Variants in KCNIP4 observed in about 807,000 individuals in gnomAD.
KCNIP4 encodes potassium voltage-gated channel interacting protein 4.
KCNIP4 carries 12 observed loss-of-function variants against 34.0 expected under a neutral mutation model. The observed-to-expected ratio is 0.35, with a 90% CI of 0.23 to 0.57. The LOEUF (loss-of-function observed/expected upper bound fraction) is 0.57, where lower values mean the gene tolerates loss of function less well. KCNIP4 is among the 20% of genes least tolerant of loss of function. The pLI, the probability that KCNIP4 is intolerant of heterozygous loss-of-function variation, is 0.83. For missense variants in KCNIP4, 238 were observed against 311.7 expected, an observed-to-expected ratio of 0.76 and a Z score of 1.78; for synonymous variants, 124 against 102.2, an observed-to-expected ratio of 1.21 and a Z score of -1.29.
At chr4:20,952,569 TAA>T (rs1368930146) in intron 1 of KCNIP4, among the ~76,000 whole-genome samples, 2 of 152,208 alleles carry the variant, frequency 1.3e-5, no homozygotes, top group African/African-American at 2.4e-5. Flanking sequence ...TGAGAAATAT[TAA>T]GAGACTGATT....
intron 1 of KCNIP4, among the ~76,000 whole-genome samples, chr4:21,486,751 C>A (rs1320292374): frequency 6.6e-6 from 1 of 151,980 alleles, no homozygotes; most frequent in African/African-American, 2.4e-5. Context: ...TATGCAGTAT[C>A]CCTTCTTGTT....
intron 1 of KCNIP4, among the ~76,000 whole-genome samples, chr4:21,743,405 C>CTA (rs1716556132): frequency 6.9e-6 from 1 of 144,742 alleles, no homozygotes. Context: ...ACTTTTGTCT[C>CTA]TTTTTTTTTT....
At chr4:21,068,480 T>C (rs568199528) in intron 1 of KCNIP4, among the ~76,000 whole-genome samples, 8 of 152,292 alleles carry the variant, frequency 5.3e-5, no homozygotes, top group South Asian at 2.1e-4. Flanking sequence ...CCATTCTCTC[T>C]TCACTCATGA....
intron 1 of KCNIP4, among the ~76,000 whole-genome samples, chr4:20,946,039 A>C (rs991842803): frequency 5.9e-5 from 9 of 152,188 alleles, no homozygotes; most frequent in African/African-American, 2.2e-4. Context: ...TTAAAAAAAT[A>C]CTGAGAAGTT....
intron 1 of KCNIP4, among the ~76,000 whole-genome samples, chr4:21,940,551 G>C (rs1379818958): frequency 1.3e-5 from 2 of 152,070 alleles, no homozygotes. Context: ...TTTAGAAGTA[G>C]ACTCTATGTC....
intron 1 of KCNIP4, among the ~76,000 whole-genome samples, chr4:21,046,012 G>A (rs535380829): frequency 6.6e-5 from 10 of 152,192 alleles, no homozygotes; most frequent in Non-Finnish European, 1.3e-4. Context: ...AATTTGATAC[G>A]GTTGGCAAGG....
chr4:20,877,353 T>G (rs1724160757), intron 2 of KCNIP4, among the ~76,000 whole-genome samples: 1 of 152,186 alleles, frequency 6.6e-6, no homozygotes, highest in Non-Finnish European at 1.5e-5. Flanking sequence ...GCGCATACCT[T>G]TGCAAATTGT....
intron 1 of KCNIP4, among the ~76,000 whole-genome samples, chr4:21,078,356 G>A (rs1745693391): frequency 6.6e-6 from 1 of 152,020 alleles, no homozygotes; most frequent in Non-Finnish European, 1.5e-5. Context: ...TATCTTCTCA[G>A]AATTCTAGAG....
chr4:21,151,406 A>ATT (rs35983306), intron 1 of KCNIP4, among the ~76,000 whole-genome samples: 518 of 51,180 alleles, frequency 0.01, 27 homozygotes, highest in Non-Finnish European at 0.015. Flanking sequence ...ACAAAAGACA[A>ATT]TTTTTTTTTT....
At chr4:20,874,245 A>C (rs1400646104) in intron 2 of KCNIP4, among the ~76,000 whole-genome samples, 1 of 152,204 alleles carries the variant, frequency 6.6e-6, no homozygotes, top group Non-Finnish European at 1.5e-5. Context: ...TTAGTCACAG[A>C]ATGAGGATTT....
chr4:21,717,818 C>T (rs1269259483), intron 1 of KCNIP4, among the ~76,000 whole-genome samples: 1 of 152,146 alleles, frequency 6.6e-6, no homozygotes, highest in Non-Finnish European at 1.5e-5. Context: ...ATATAGTTCT[C>T]ACTCCAACTT....
intron 1 of KCNIP4, among the ~76,000 whole-genome samples, chr4:21,176,459 A>G (rs2109310011): frequency 6.6e-6 from 1 of 152,310 alleles, no homozygotes; most frequent in South Asian, 2.1e-4. Context: ...TGCTACAAGT[A>G]AAAAAATGGA....
At chr4:21,639,874 T>C (rs1052972220) in intron 1 of KCNIP4, among the ~76,000 whole-genome samples, 2 of 152,192 alleles carry the variant, frequency 1.3e-5, no homozygotes, top group African/African-American at 4.8e-5. Context: ...CCATTAATCA[T>C]ATGACTTCCA....
chr4:20,740,882 C>A (rs1199930863), intron 5 of KCNIP4, among the ~76,000 whole-genome samples: 2 of 151,820 alleles, frequency 1.3e-5, no homozygotes, highest in Non-Finnish European at 2.9e-5. Context: ...GAAGATCTAC[C>A]AAGCAAATGG....
intron 1 of KCNIP4, among the ~76,000 whole-genome samples, chr4:21,798,511 GGAAAAA>G (rs1166534305): frequency 1.0e-4 from 6 of 60,098 alleles, no homozygotes; most frequent in Admixed American, 5.5e-4. Flanking sequence ...CAAGACCCTG[GGAAAAA>G]AAAAAAAAAA....
chr4:20,987,072 G>A (rs1736644668), intron 1 of KCNIP4, among the ~76,000 whole-genome samples: 1 of 152,132 alleles, frequency 6.6e-6, no homozygotes, highest in Non-Finnish European at 1.5e-5. Context: ...CATCTAAAAA[G>A]TCTAGGGAAG....
At chr4:21,837,805 G>A (rs907996779) in intron 1 of KCNIP4, among the ~76,000 whole-genome samples, 1 of 152,064 alleles carries the variant, frequency 6.6e-6, no homozygotes, top group Admixed American at 6.6e-5. Context: ...TTGGGATCCT[G>A]AATAATCCAA....
chr4:21,010,867 C>G (rs11938766), intron 1 of KCNIP4, among the ~76,000 whole-genome samples: 54,040 of 151,928 alleles, frequency 0.36, 10,784 homozygotes, highest in African/African-American at 0.55. Context: ...TTGAAAATAA[C>G]ACCAATTTGA....
chr4:21,309,349 G>A (rs566766991), intron 1 of KCNIP4, among the ~76,000 whole-genome samples: 3 of 151,976 alleles, frequency 2.0e-5, no homozygotes, highest in African/African-American at 7.3e-5. Context: ...TTGTGGTCCA[G>A]GTACTATATA....
Sources: gnomAD v4.1 joint callset for allele counts (sites outside exome capture counted in the v4.1 genomes callset) on GRCh38, gnomAD v4.1.1 for gene constraint, MANE v1.5 for transcripts, NCBI Gene and HGNC (gene_info 2026-07-23, HGNC 2026-07-21) for gene names.